Variants in CDH12 observed in about 807,000 individuals in gnomAD.
CDH12 encodes cadherin 12.
Under a neutral mutation model 74.1 loss-of-function variants are expected in CDH12, and 41 were observed. That is an observed-to-expected ratio of 0.55 (90% CI 0.43 to 0.72). The LOEUF (loss-of-function observed/expected upper bound fraction) is 0.72, where lower values mean the gene tolerates loss of function less well. CDH12 is among the 30% of genes least tolerant of loss of function. CDH12 has a pLI of 0.00. For missense variants in CDH12, 945 were observed against 977.2 expected, an observed-to-expected ratio of 0.97 and a Z score of 0.44; for synonymous variants, 399 against 355.0, an observed-to-expected ratio of 1.12 and a Z score of -1.39.
chr5:21,898,306 C>T (rs1753218772), intron 6 of CDH12, among the ~76,000 whole-genome samples: 1 of 152,072 alleles, frequency 6.6e-6, no homozygotes, highest in Admixed American at 6.5e-5. Context: ...TCATAGCATC[C>T]TCAAACTCCT....
chr5:22,762,038 GA>G (rs1341603763), intron 1 of CDH12, among the ~76,000 whole-genome samples: 1 of 151,794 alleles, frequency 6.6e-6, no homozygotes, highest in Non-Finnish European at 1.5e-5. Flanking sequence ...TTCCCAGAGA[GA>G]AAAAAATTGT....
intron 1 of CDH12, among the ~76,000 whole-genome samples, chr5:22,717,585 T>C (rs1743645232): frequency 6.6e-6 from 1 of 152,154 alleles, no homozygotes; most frequent in Admixed American, 6.5e-5. Context: ...TGACCCAAAA[T>C]GCCAGGCAAG....
At chr5:22,008,814 T>C (rs1456692975) in intron 5 of CDH12, among the ~76,000 whole-genome samples, 1 of 152,170 alleles carries the variant, frequency 6.6e-6, no homozygotes, top group East Asian at 1.9e-4. Flanking sequence ...TTTGGGACTT[T>C]AAGGTCTTCT....
intron 8 of CDH12, among the ~76,000 whole-genome samples, chr5:21,840,341 A>C (rs1022275817): frequency 5.3e-5 from 8 of 152,176 alleles, no homozygotes; most frequent in Admixed American, 4.6e-4. Context: ...ATAGCATAAG[A>C]CCAATACTTC....
chr5:22,426,383 T>C (rs1490701146), intron 2 of CDH12, among the ~76,000 whole-genome samples: 1 of 151,980 alleles, frequency 6.6e-6, no homozygotes, highest in Non-Finnish European at 1.5e-5. Context: ...TGAATTTCCA[T>C]AAACTACACA....
chr5:22,826,013 C>G (rs771616685), intron 1 of CDH12, among the ~76,000 whole-genome samples: 9 of 152,106 alleles, frequency 5.9e-5, no homozygotes, highest in Non-Finnish European at 1.2e-4. Flanking sequence ...AAAGTAATCT[C>G]ATTTCCATTG....
chr5:22,414,298 C>T (rs980215085), intron 2 of CDH12, among the ~76,000 whole-genome samples: 1 of 151,972 alleles, frequency 6.6e-6, no homozygotes, highest in Non-Finnish European at 1.5e-5. Context: ...GATATTTAGA[C>T]ATATGATGTT....
At chr5:22,117,498 T>TA (rs1745227663) in intron 4 of CDH12, among the ~76,000 whole-genome samples, 1 of 75,354 alleles carries the variant, frequency 1.3e-5, no homozygotes, top group African/African-American at 6.1e-5. Flanking sequence ...ATTATATATA[T>TA]ATAATATATA....
chr5:21,897,745 T>A (rs1414689979), intron 6 of CDH12, among the ~76,000 whole-genome samples: 2 of 152,210 alleles, frequency 1.3e-5, no homozygotes, highest in Non-Finnish European at 1.5e-5. Context: ...AACATATTTA[T>A]CAGAGCTATT....
At chr5:21,839,485 A>G (rs1749719971) in intron 8 of CDH12, among the ~76,000 whole-genome samples, 1 of 152,188 alleles carries the variant, frequency 6.6e-6, no homozygotes, top group Non-Finnish European at 1.5e-5. Flanking sequence ...GCCAATTAAC[A>G]TATCCATTAA....
At chr5:22,762,605 C>T (rs1366972775) in intron 1 of CDH12, among the ~76,000 whole-genome samples, 1 of 151,852 alleles carries the variant, frequency 6.6e-6, no homozygotes, top group Non-Finnish European at 1.5e-5. Context: ...ATCCACATAG[C>T]TAAAGGATTG....
chr5:21,891,653 C>T (rs1752906716), intron 6 of CDH12, among the ~76,000 whole-genome samples: 1 of 151,564 alleles, frequency 6.6e-6, no homozygotes, highest in African/African-American at 2.4e-5. Context: ...AAACAAGGAT[C>T]AGAGTTAATC....
chr5:22,729,868 C>T (rs1007411465), intron 1 of CDH12, among the ~76,000 whole-genome samples: 1 of 151,750 alleles, frequency 6.6e-6, no homozygotes, highest in South Asian at 2.1e-4. Context: ...CTGGTTCTGT[C>T]TTTATCTATT....
chr5:22,354,409 GGA>G (rs1462779249), intron 3 of CDH12, among the ~76,000 whole-genome samples: 1 of 152,088 alleles, frequency 6.6e-6, no homozygotes, highest in Non-Finnish European at 1.5e-5. Flanking sequence ...GTAGGTTCAG[GGA>G]GCTGCCATTT....
At chr5:21,868,609 G>T (rs1751456812) in intron 6 of CDH12, among the ~76,000 whole-genome samples, 1 of 152,154 alleles carries the variant, frequency 6.6e-6, no homozygotes, top group South Asian at 2.1e-4. Context: ...GGACTTACTT[G>T]AGAATAGTTA....
At chr5:22,791,389 T>C (rs1036792632) in intron 1 of CDH12, among the ~76,000 whole-genome samples, 1 of 152,126 alleles carries the variant, frequency 6.6e-6, no homozygotes. Context: ...AGCACAACCA[T>C]GAAGTATCTA....
intron 3 of CDH12, among the ~76,000 whole-genome samples, chr5:22,224,967 T>C (rs1343354915): frequency 6.6e-6 from 1 of 152,020 alleles, no homozygotes; most frequent in Non-Finnish European, 1.5e-5. Context: ...ACCTGTCAAA[T>C]GCAAACCCTT....
chr5:22,175,012 C>T (rs1005925157), intron 4 of CDH12, among the ~76,000 whole-genome samples: 25 of 151,652 alleles, frequency 1.6e-4, no homozygotes, highest in African/African-American at 2.7e-4. Flanking sequence ...TACCTACTTA[C>T]CTAGAGTTAA....
chr5:22,842,353 C>A lies in CDH12; in HGVS notation c.-523+10705G>T, dbSNP rs180723569. The stretch of plus-strand genomic sequence containing the variant: ...TAAGGAAAAAATCAAAGTTTTTAGA[C>A]CCTGTAAACATGAATGACAGTAGGT... On this transcript the variant is annotated intron_variant, in intron 1 of 14. Coordinates refer to ENST00000382254, the MANE Select transcript of CDH12 (RefSeq NM_004061.5). 2.5e-3 allele frequency among the ~76,000 whole-genome samples: 384 copies of A among 152,070 alleles called. 2 individuals carry two copies. Among genetic ancestry groups the A allele is most frequent in the Non-Finnish European group, 4.1e-3 (282 of 67,972 alleles).
Sources: allele counts gnomAD v4.1 joint callset (sites outside exome capture counted in the v4.1 genomes callset), GRCh38; gene constraint gnomAD v4.1.1; transcripts MANE v1.5; gene names NCBI Gene and HGNC (gene_info 2026-07-23, HGNC 2026-07-21).